IL34: variants seen among roughly 807,000 people sequenced by gnomAD.
IL34 encodes interleukin-34.
IL34 carries 17 observed loss-of-function variants against 25.3 expected under a neutral mutation model. The observed-to-expected ratio is 0.67, with a 90% CI of 0.46 to 1.01. The LOEUF is 1.01. Ranked by LOEUF, IL34 falls within the 50% of genes least tolerant of loss-of-function variation. The pLI is 0.00. For synonymous variants in IL34, 174 were observed against 140.9 expected, an observed-to-expected ratio of 1.23 and a Z score of -1.66; for missense variants, 368 against 312.9, an observed-to-expected ratio of 1.18 and a Z score of -1.33.
At chr16:70,643,134 C>G (rs764536524), upstream of IL34, among the ~76,000 whole-genome samples, 2 of 151,306 alleles carry the variant, frequency 1.3e-5, no homozygotes, top group African/African-American at 4.9e-5. Flanking sequence ...ACTACCTCGG[C>G]TCACTGCAAC....
At position 70,656,860 on chromosome 16, in the gene IL34, C is replaced by T. The variant is rs570247277; in HGVS notation, c.241-100C>T. 3.5e-5 allele frequency: 47 copies of T among 1,340,402 alleles called. No individual in the cohort carries two copies. The Admixed American group carries it at 3.8e-4, about 11-fold the overall frequency. 83.0% of individuals were successfully genotyped at this position (1,340,402 alleles called of 1,614,324 possible). ...TGTCCACTGTCCACAGCGGACGGCC[C>T]GCGTCTGCTCCCTATGCAGGGGCAA... On this transcript the variant is annotated intron_variant, in intron 3 of 5. Transcript: ENST00000288098.
chr16:70,623,101 G>C (rs1307489492), intron 1 of IL34, among the ~76,000 whole-genome samples: 1 of 152,040 alleles, frequency 6.6e-6, no homozygotes, highest in Non-Finnish European at 1.5e-5. Flanking sequence ...GCTGAGATAG[G>C]TAACAGATGA....
At chr16:70,590,531 T>G (rs1005898924) in intron 1 of IL34, among the ~76,000 whole-genome samples, 4 of 152,100 alleles carry the variant, frequency 2.6e-5, no homozygotes, top group African/African-American at 9.7e-5. Flanking sequence ...GGTGCTCGGG[T>G]CAGAGGGAGG....
At chr16:70,656,939 G>A (rs936196682) in intron 3 of IL34, 21 bp from the exon 4 acceptor site, 2 of 1,594,340 alleles carry the variant, frequency 1.3e-6, no homozygotes, top group Admixed American at 3.4e-5. Context: ...CCGAGTTGCA[G>A]TGACTTCCCT....
intron 1 of IL34, among the ~76,000 whole-genome samples, chr16:70,618,275 T>C (rs556704416): frequency 1.4e-4 from 21 of 151,382 alleles, no homozygotes; most frequent in Non-Finnish European, 2.9e-4. Context: ...AGAAGGAAAT[T>C]TGGGGAAATG....
At chr16:70,613,252 G>A (rs1383279346) in intron 1 of IL34, among the ~76,000 whole-genome samples, 3 of 152,184 alleles carry the variant, frequency 2.0e-5, no homozygotes, top group Admixed American at 6.5e-5. Flanking sequence ...TTATTTCTCC[G>A]GAGAGTGAAG....
At chr16:70,657,150 G>A (rs2052250957) in intron 4 of IL34, 29 bp downstream of exon 4, 1 of 1,602,650 alleles carries the variant, frequency 6.2e-7, no homozygotes, top group Non-Finnish European at 8.5e-7. Flanking sequence ...TGGCAGGTGG[G>A]GTGTGTGTGT....
chr16:70,598,630 T>G (rs1277345096), intron 1 of IL34, among the ~76,000 whole-genome samples: 1 of 151,932 alleles, frequency 6.6e-6, no homozygotes, highest in Non-Finnish European at 1.5e-5. Context: ...TCCCAGCTAC[T>G]TGGGAGGCTG....
chr16:70,594,650 G>A (rs1387124330), intron 1 of IL34, among the ~76,000 whole-genome samples: 1 of 152,148 alleles, frequency 6.6e-6, no homozygotes, highest in African/African-American at 2.4e-5. Flanking sequence ...CTCTGAGGGA[G>A]GGTCAAGGGC....
chr16:70,621,026 G>A (rs954781871), intron 1 of IL34, among the ~76,000 whole-genome samples: 1 of 152,122 alleles, frequency 6.6e-6, no homozygotes, highest in African/African-American at 2.4e-5. Context: ...ACGGAAATAA[G>A]GGATTGAGAC....
At chr16:70,658,845 A>G (rs912151339) in intron 4 of IL34, among the ~76,000 whole-genome samples, 2 of 152,126 alleles carry the variant, frequency 1.3e-5, no homozygotes, top group Admixed American at 1.3e-4. Flanking sequence ...CAGGCATTGG[A>G]TTTAGGGCCT....
In IL34 at chr16:70,587,411, A is replaced by G. The variant is rs535157298; in HGVS notation, c.-401+7362A>G. Among the ~76,000 whole-genome samples, 5 of 152,178 alleles carry G rather than the reference A, an allele frequency of 3.3e-5. No homozygotes were observed. In the East Asian group the frequency reaches 9.7e-4, roughly 29 times the overall value. On this transcript the variant is annotated intron_variant, in intron 1 of 6. Transcript: ENST00000429149. ...CAGCCTCCCGAGTAGCTGGGACTAC[A>G]GACGCCCGCCACCACGCCCAGCTAA...
At chr16:70,633,110 G>A (rs1186788599) in intron 1 of IL34, among the ~76,000 whole-genome samples, 1 of 152,162 alleles carries the variant, frequency 6.6e-6, no homozygotes, top group South Asian at 2.1e-4. Flanking sequence ...GACCACAGGT[G>A]CATGCCACCA....
At chr16:70,630,039 TCTA>T (rs2051484261) in intron 1 of IL34, among the ~76,000 whole-genome samples, 1 of 152,228 alleles carries the variant, frequency 6.6e-6, no homozygotes, top group Non-Finnish European at 1.5e-5. Flanking sequence ...TAACTGTCCT[TCTA>T]CTCTCTATCT....
At chr16:70,638,944 A>G (rs1057157829) in intron 1 of IL34, among the ~76,000 whole-genome samples, 1 of 152,240 alleles carries the variant, frequency 6.6e-6, no homozygotes, top group Non-Finnish European at 1.5e-5. Flanking sequence ...ATGCAGGGAA[A>G]TCTATCTCCA....
chr16:70,600,568 C>T (rs539995348), intron 1 of IL34, among the ~76,000 whole-genome samples: 1 of 152,334 alleles, frequency 6.6e-6, no homozygotes, highest in East Asian at 1.9e-4. Context: ...TAACTTCCCC[C>T]TATCTTAGCA....
In IL34 at chr16:70,659,758, G is replaced by A; in HGVS notation, c.538+5G>A. 1.3e-6 allele frequency: 2 copies of A among 1,590,162 alleles called. No homozygotes were observed. Among genetic ancestry groups the A allele is most frequent in the African/African-American group, 2.7e-5 (2 of 74,512 alleles). ...AGCTGCTGTACTGCTCCTGCTGTAA[G>A]GAGCTCTCAGGGGATGGCGCCTGGG... On this transcript the variant is annotated splice_donor_5th_base_variant and intron_variant, in intron 5 of 5. Transcript: ENST00000288098.
chr16:70,641,500 CCTCCCTCT>C (rs1325250927), intron 1 of IL34, among the ~76,000 whole-genome samples: 12 of 137,154 alleles, frequency 8.7e-5, no homozygotes, highest in African/African-American at 1.7e-4. Flanking sequence ...AAATTCTTTC[CCTCCCTCT>C]CTCCCTCCCT....
intron 1 of IL34, among the ~76,000 whole-genome samples, chr16:70,631,512 T>A (rs558930375): frequency 4.7e-4 from 71 of 152,318 alleles, no homozygotes; most frequent in African/African-American, 1.7e-3. Context: ...AACCAAAGAA[T>A]CTTTATCCTG....
Sources: allele counts gnomAD v4.1 joint callset (sites outside exome capture counted in the v4.1 genomes callset), GRCh38; gene constraint gnomAD v4.1.1; transcripts MANE v1.5; gene names NCBI Gene and HGNC (gene_info 2026-07-23, HGNC 2026-07-21).